GTF2IRD1: variants seen among roughly 807,000 people sequenced by gnomAD.
The protein encoded by GTF2IRD1 is GTF2I repeat domain containing 1, also known as general transcription factor II-I repeat domain-containing protein 1.
A neutral mutation model predicts 113.2 loss-of-function variants in GTF2IRD1; 26 were observed. The observed-to-expected ratio is 0.23, with a 90% CI of 0.17 to 0.32. The LOEUF (loss-of-function observed/expected upper bound fraction) is 0.32. Among genes scored for constraint, GTF2IRD1 ranks in the 10% least tolerant of loss-of-function variants. The pLI is 1.00. For missense variants in GTF2IRD1, 864 were observed against 1,280.8 expected, an observed-to-expected ratio of 0.67 and a Z score of 4.97; for synonymous variants, 484 against 529.1, an observed-to-expected ratio of 0.91 and a Z score of 1.17.
At chr7:74,480,313 G>T (rs1794660619) in intron 1 of GTF2IRD1, among the ~76,000 whole-genome samples, 3 of 152,090 alleles carry the variant, frequency 2.0e-5, no homozygotes. Context: ...CCCTGTGATT[G>T]TCCCCACGTG....
intron 1 of GTF2IRD1, among the ~76,000 whole-genome samples, chr7:74,488,142 G>A (rs1340365900): frequency 6.6e-6 from 1 of 152,114 alleles, no homozygotes; most frequent in Admixed American, 6.6e-5. Flanking sequence ...AACTTAGCTG[G>A]GTGTGGCGAC....
intron 21 of GTF2IRD1, 22 bp downstream of exon 21, chr7:74,559,066 G>A (rs373063483): frequency 1.1e-4 from 175 of 1,605,362 alleles, no homozygotes; most frequent in Non-Finnish European, 1.4e-4. Context: ...GAAGGGTGAG[G>A]GTGAAGAGGC....
intron 1 of GTF2IRD1, among the ~76,000 whole-genome samples, chr7:74,485,887 C>G (rs1186466086): frequency 1.3e-5 from 2 of 151,918 alleles, no homozygotes; most frequent in Non-Finnish European, 2.9e-5. Context: ...GATCGTGCCT[C>G]TGCACTCCAG....
chr7:74,467,268 C>T (rs1793783087), intron 1 of GTF2IRD1, among the ~76,000 whole-genome samples: 1 of 152,096 alleles, frequency 6.6e-6, no homozygotes, highest in Admixed American at 6.6e-5. Flanking sequence ...CCTTCAATCC[C>T]AGCTCTCGTT....
At chr7:74,470,003 G>A (rs1252026961) in intron 1 of GTF2IRD1, among the ~76,000 whole-genome samples, 1 of 150,778 alleles carries the variant, frequency 6.6e-6, no homozygotes, top group Non-Finnish European at 1.5e-5. Context: ...TATTTATTTA[G>A]TGTTTTTAGA....
chr7:74,505,186 C>T (rs1554340677), intron 1 of GTF2IRD1, among the ~76,000 whole-genome samples: 1 of 152,144 alleles, frequency 6.6e-6, no homozygotes, highest in Non-Finnish European at 1.5e-5. Context: ...CACCCGGCCT[C>T]TGCCTTCATT....
chr7:74,494,035 GTTATT>G (rs1795510981), intron 1 of GTF2IRD1, among the ~76,000 whole-genome samples: 1 of 152,186 alleles, frequency 6.6e-6, no homozygotes, highest in African/African-American at 2.4e-5. Flanking sequence ...GGGTGTATCC[GTTATT>G]TATCTTGGAC....
At chr7:74,508,853 A>C (rs1796454726) in intron 2 of GTF2IRD1, among the ~76,000 whole-genome samples, 2 of 152,068 alleles carry the variant, frequency 1.3e-5, no homozygotes, top group African/African-American at 4.8e-5. Context: ...GGAGCCATTC[A>C]CTAGAAAGAT....
chr7:74,574,962 C>G (rs1205986354), intron 22 of GTF2IRD1, among the ~76,000 whole-genome samples: 1 of 152,028 alleles, frequency 6.6e-6, no homozygotes. Context: ...TCATGACACA[C>G]ACCTATAATC....
chr7:74,539,713 C>T (rs1798515630), intron 13 of GTF2IRD1, among the ~76,000 whole-genome samples, 166 bp from the exon 14 acceptor site: 1 of 151,884 alleles, frequency 6.6e-6, no homozygotes, highest in Admixed American at 6.6e-5. Flanking sequence ...CACTGCACTC[C>T]TGCCTGGACG....
chr7:74,583,734 T>C (rs1188122299), intron 22 of GTF2IRD1, among the ~76,000 whole-genome samples: 2 of 151,994 alleles, frequency 1.3e-5, no homozygotes, highest in African/African-American at 4.8e-5. Flanking sequence ...TGGTTTAGGG[T>C]TGCACTTCTT....
chr7:74,503,765 CTTTTATTTTA>C, intron 1 of GTF2IRD1, among the ~76,000 whole-genome samples: 1 of 152,226 alleles, frequency 6.6e-6, no homozygotes, highest in African/African-American at 2.4e-5. Flanking sequence ...ATAATTTTAA[CTTTTATTTTA>C]GATTCTCAGG....
intron 2 of GTF2IRD1, among the ~76,000 whole-genome samples, chr7:74,511,960 G>A (rs1796663464): frequency 6.6e-6 from 1 of 152,096 alleles, no homozygotes; most frequent in African/African-American, 2.4e-5. Context: ...ACCCATATAG[G>A]GTGTCCCAGT....
chr7:74,484,486 A>C (rs1584494414), intron 1 of GTF2IRD1, among the ~76,000 whole-genome samples: 4 of 115,896 alleles, frequency 3.5e-5, no homozygotes, highest in African/African-American at 6.9e-5. Flanking sequence ...TTGGAGTCTC[A>C]CTCTTTCACC....
chr7:74,470,745 A>G (rs1794032278), intron 1 of GTF2IRD1, among the ~76,000 whole-genome samples: 1 of 152,136 alleles, frequency 6.6e-6, no homozygotes, highest in East Asian at 1.9e-4. Flanking sequence ...CCTCACGAGC[A>G]TTGTGCTAAG....
chr7:74,542,419 C>T (rs1215947656), intron 14 of GTF2IRD1, among the ~76,000 whole-genome samples: 1 of 152,058 alleles, frequency 6.6e-6, no homozygotes, highest in African/African-American at 2.4e-5. Context: ...CAAAAATAGG[C>T]AACAAGGCAG....
At chr7:74,559,237 G>A (rs1314115626) in intron 21 of GTF2IRD1, among the ~76,000 whole-genome samples, 193 bp downstream of exon 21, 1 of 152,186 alleles carries the variant, frequency 6.6e-6, no homozygotes, top group Non-Finnish European at 1.5e-5. Context: ...CCCTTCAGAA[G>A]TGGGACTGGT....
chr7:74,590,607 G>A (rs1554369217), intron 23 of GTF2IRD1, among the ~76,000 whole-genome samples: 1 of 150,030 alleles, frequency 6.7e-6, no homozygotes, highest in Admixed American at 6.7e-5. Context: ...TAGCCACGAT[G>A]GTCTCGATCT....
chr7:74,550,940 G>A (rs1425321744), intron 17 of GTF2IRD1, among the ~76,000 whole-genome samples: 11 of 151,940 alleles, frequency 7.2e-5, no homozygotes, highest in African/African-American at 1.2e-4. Flanking sequence ...AGGCTGAGGC[G>A]GAAGGCGGAA....
Sources: gnomAD v4.1 joint callset for allele counts (sites outside exome capture counted in the v4.1 genomes callset) on GRCh38, gnomAD v4.1.1 for gene constraint, MANE v1.5 for transcripts, NCBI Gene and HGNC (gene_info 2026-07-23, HGNC 2026-07-21) for gene names.